The following SFSWAP variants were observed in gnomAD, a reference collection of about 807,000 sequenced individuals.
SFSWAP encodes splicing factor SWAP.
Under a neutral mutation model 100.7 loss-of-function variants are expected in SFSWAP, and 17 were observed. That is an observed-to-expected ratio of 0.17 (90% confidence interval 0.12 to 0.25). SFSWAP has a LOEUF of 0.25. Ranked by LOEUF, SFSWAP falls within the 10% of genes least tolerant of loss-of-function variation. The pLI is 1.00. For synonymous variants in SFSWAP, 504 were observed against 510.1 expected (o/e 0.99, Z 0.16); for missense variants, 1,005 against 1,262.6 (o/e 0.80, Z 3.09).
intron 8 of SFSWAP, chr12:131,753,630 T>C: frequency 1.9e-6 from 1 of 526,534 alleles, no homozygotes; most frequent in South Asian, 3.0e-5. Context: ...CTCCAGCATC[T>C]GTTCTTGCGC....
chr12:131,795,035 G>T (rs1330543993), intron 15 of SFSWAP, among the ~76,000 whole-genome samples: 1 of 152,178 alleles, frequency 6.6e-6, no homozygotes, highest in Non-Finnish European at 1.5e-5. Flanking sequence ...TGAAATCCTG[G>T]CATGTGTTTA....
intron 13 of SFSWAP, among the ~76,000 whole-genome samples, chr12:131,769,539 A>G (rs1317187882): frequency 6.6e-6 from 1 of 152,242 alleles, no homozygotes; most frequent in African/African-American, 2.4e-5. Context: ...GTTCCGCATC[A>G]CAGCAACCAG....
Position 131,711,782 on chromosome 12 carries a change from G to T in SFSWAP, c.218+335G>T. ...GCCAGTGCCCAGGGTCTTTTCCTGA[G>T]TGCACCTGGGCCTGCCGCCCGGCGA... On this transcript the variant is annotated intron_variant, in intron 1 of 17. Coordinates refer to ENST00000261674, the MANE Select transcript of SFSWAP (RefSeq NM_004592.4). The surrounding 1 kb of genome is among the most constrained non-coding windows in gnomAD (Gnocchi z 4.9). The T allele has an allele frequency of 3.5e-6, 1 of 288,222 alleles. No individual in the cohort carries two copies. The highest frequency in any genetic ancestry group is 2.2e-5 in the African/African-American group (1 of 45,732). The allele number at this position is 288,222 out of a possible 1,614,324, so 17.9% of individuals were successfully genotyped here. A position where few individuals can be genotyped will look rare whatever the true frequency, so the allele number is the denominator to read the frequency against.
intron 13 of SFSWAP, among the ~76,000 whole-genome samples, chr12:131,773,698 G>T (rs1883793396): frequency 6.6e-6 from 1 of 152,178 alleles, no homozygotes; most frequent in African/African-American, 2.4e-5. Context: ...GTAAGAGTTT[G>T]AAAAGGAAAT....
chr12:131,747,140 C>A (rs115470951), intron 7 of SFSWAP, among the ~76,000 whole-genome samples: 1 of 149,536 alleles, frequency 6.7e-6, no homozygotes, highest in African/African-American at 2.5e-5. Context: ...TGCTCGTTAC[C>A]ATTCTCTCCT....
chr12:131,726,666 A>T (rs1370543203), intron 5 of SFSWAP, among the ~76,000 whole-genome samples: 3 of 152,204 alleles, frequency 2.0e-5, no homozygotes, highest in Non-Finnish European at 4.4e-5. Flanking sequence ...CTTTTTTAAA[A>T]AAAGGAAAAA....
rs778428210 is a variant in SFSWAP at position 131,711,425 on chromosome 12, G to A, written c.196G>A (p.Asp66Asn). The A allele has an allele frequency of 5.6e-6, 9 of 1,613,080 alleles. No homozygotes were observed. In the Admixed American group the frequency reaches 6.7e-5, roughly 12 times the overall value. The change falls in exon 1 of 18, where the codon GAC (aspartate) becomes AAC (asparagine). Residue 66 changes from aspartate to asparagine, a missense_variant. Physicochemically the swap from Asp to Asn is conservative, Grantham distance 23. This residue lies in a region of SFSWAP where 237 missense variants were observed against 337.0 expected (regional missense o/e 0.70). Transcript: ENST00000261674. The surrounding 1 kb of genome is among the most constrained non-coding windows in gnomAD (Gnocchi z 4.9). The stretch of plus-strand genomic sequence containing the variant: ...ACAGCACCTCATCCCCTGGATGGGG[G>A]ACCACAAGATCCTCATCGACAGGTC... ...QGQHLIPWMG[D>N]HKILIDRYDG...
intron 13 of SFSWAP, among the ~76,000 whole-genome samples, chr12:131,767,763 A>G (rs144681633): frequency 2.6e-5 from 4 of 152,314 alleles, no homozygotes; most frequent in East Asian, 3.9e-4. Context: ...GTTCTCGCTT[A>G]TAAGTGGGAG....
chr12:131,776,649 G>A (rs141002938), intron 13 of SFSWAP, among the ~76,000 whole-genome samples: 5 of 152,358 alleles, frequency 3.3e-5, no homozygotes, highest in East Asian at 3.9e-4. Context: ...GCCGTCCTGC[G>A]CACACTGCCG....
chr12:131,716,401 C>A (rs1393014692), intron 3 of SFSWAP, among the ~76,000 whole-genome samples: 2 of 152,134 alleles, frequency 1.3e-5, no homozygotes, highest in Admixed American at 1.3e-4. Flanking sequence ...ACGTAAACAC[C>A]CATTTATTTA....
At chr12:131,773,682 A>G (rs1168677588) in intron 13 of SFSWAP, among the ~76,000 whole-genome samples, 1 of 152,232 alleles carries the variant, frequency 6.6e-6, no homozygotes, top group Non-Finnish European at 1.5e-5. Flanking sequence ...CAAGTTTACA[A>G]TTCCAGTAAG....
chr12:131,778,917 G>A lies in SFSWAP; in HGVS notation c.2408+587G>A, dbSNP rs1884241113. ...TGGAAGCAAGCCTACCACATTTGCC[G>A]ATTGTGTGAAAGATTCACAGGGTGG... On this transcript the variant is annotated intron_variant, in intron 14 of 17. Transcript: ENST00000261674. The surrounding 1 kb of genome is among the most constrained non-coding windows in gnomAD (Gnocchi z 4.2). Among the ~76,000 whole-genome samples, 1 of 151,926 alleles carries A rather than the reference G, an allele frequency of 6.6e-6. No individual in the cohort carries two copies. The highest frequency in any genetic ancestry group is 6.6e-5 in the Admixed American group (1 of 15,262).
chr12:131,716,434 C>T (rs1877921691), intron 3 of SFSWAP, among the ~76,000 whole-genome samples: 1 of 152,210 alleles, frequency 6.6e-6, no homozygotes, highest in Non-Finnish European at 1.5e-5. Flanking sequence ...TCTCCTTCCT[C>T]GGGTTCTGGA....
intron 7 of SFSWAP, among the ~76,000 whole-genome samples, chr12:131,743,040 C>T (rs189206030): frequency 2.4e-4 from 37 of 152,270 alleles, no homozygotes; most frequent in African/African-American, 6.3e-4. Flanking sequence ...AAGAATAATG[C>T]GGGAAAGACC....
At chr12:131,771,518 C>T (rs1593172080) in intron 13 of SFSWAP, among the ~76,000 whole-genome samples, 1 of 152,068 alleles carries the variant, frequency 6.6e-6, no homozygotes, top group Non-Finnish European at 1.5e-5. Context: ...TATTTGCCCC[C>T]GTAGGGTGTG....
Position 131,725,813 on chromosome 12 carries a change from G to A in SFSWAP, c.832+183G>A, listed in dbSNP as rs1477640810. Among the ~76,000 whole-genome samples the A allele has an allele frequency of 6.6e-6, 1 of 152,114 alleles. No homozygotes were observed. Among genetic ancestry groups the A allele is most frequent in the Non-Finnish European group, 1.5e-5 (1 of 68,018 alleles). On this transcript the variant is annotated intron_variant, in intron 5 of 17. Transcript: ENST00000261674. This position sits in a 1 kb window ranked among gnomAD's most constrained non-coding sequence, Gnocchi z 4.3. ...TAAGGCGTGATCGTTACCCCTGCTG[G>A]TGCACCTTTATTAAATCTTTGGTTA...
At chr12:131,768,963 TAAA>T (rs1273977662) in intron 13 of SFSWAP, among the ~76,000 whole-genome samples, 1 of 152,000 alleles carries the variant, frequency 6.6e-6, no homozygotes, top group Admixed American at 6.6e-5. Flanking sequence ...TCGTCTCTAC[TAAA>T]AATACAAAAA....
At chr12:131,799,325 G>A (rs948182219) in intron 17 of SFSWAP, 98 bp from the exon 18 acceptor site, 17 of 1,324,108 alleles carry the variant, frequency 1.3e-5, no homozygotes, top group South Asian at 1.1e-4. Context: ...TGCTAGCACC[G>A]TCTGGTCTTG....
intron 5 of SFSWAP, among the ~76,000 whole-genome samples, chr12:131,726,164 A>G (rs1355245660): frequency 6.8e-6 from 1 of 146,038 alleles, no homozygotes; most frequent in Admixed American, 7.0e-5. Flanking sequence ...ATTCATATAT[A>G]TGTATATATA....
Sources: gnomAD v4.1 joint callset for allele counts (sites outside exome capture counted in the v4.1 genomes callset) on GRCh38, gnomAD v4.1.1 for gene constraint, gnomAD v4.1.1 regional missense constraint, Gnocchi (gnomAD v3.1) non-coding constraint, MANE v1.5 for transcripts, NCBI Gene and HGNC (gene_info 2026-07-23, HGNC 2026-07-21) for gene names.